Variants in ATXN7 observed in about 807,000 individuals in gnomAD.
ATXN7 encodes the protein ataxin-7.
A neutral mutation model predicts 70.5 loss-of-function variants in ATXN7; 12 were observed. The ratio of observed to expected loss-of-function variants is 0.17; its 90% CI spans 0.11 to 0.28. The LOEUF is 0.28. Ranked by LOEUF, ATXN7 falls within the 10% of genes least tolerant of loss-of-function variation. The pLI is 1.00. For missense variants in ATXN7, 1,256 were observed against 1,131.7 expected (o/e 1.11, Z -1.58); for synonymous variants, 498 against 448.7 (o/e 1.11, Z -1.39).
intron 6 of ATXN7, among the ~76,000 whole-genome samples, chr3:63,981,323 CT>C (rs2075483960): frequency 6.6e-6 from 1 of 152,210 alleles, no homozygotes; most frequent in African/African-American, 2.4e-5. Flanking sequence ...CGGGAGCAGT[CT>C]GAAAGCCACA....
At chr3:63,921,009 C>G (rs1704490309) in intron 4 of ATXN7, among the ~76,000 whole-genome samples, 3 of 152,130 alleles carry the variant, frequency 2.0e-5, no homozygotes, top group Non-Finnish European at 4.4e-5. Context: ...AGTTACTGTA[C>G]TTTTGAGAAA....
intron 5 of ATXN7, among the ~76,000 whole-genome samples, chr3:63,975,770 C>G (rs1182949029): frequency 6.6e-6 from 1 of 152,184 alleles, no homozygotes; most frequent in Non-Finnish European, 1.5e-5. Context: ...TACACCACTA[C>G]TAATATCCTG....
rs1205757508 is a variant in ATXN7, at chr3:63,982,405, C to G, written c.972C>G (p.Asp324Glu). 3 of 1,612,356 alleles carry G rather than the reference C, an allele frequency of 1.9e-6. No homozygotes were observed. The highest frequency in any genetic ancestry group is 2.2e-5 in the South Asian group (2 of 90,982). Reference protein sequence around the residue: ...APPTLEKKPEDNSNNRKFLNK... With the variant: ...APPTLEKKPEENSNNRKFLNK... Reference sequence around the variant, plus strand: ...CCACTCTGGAAAAGAAACCTGAAGACAATTCCAATAATAGGAAATTTTTAA... The same window carrying G: ...CCACTCTGGAAAAGAAACCTGAAGAGAATTCCAATAATAGGAAATTTTTAA... The change falls in exon 7 of 13, where the codon GAC (aspartate) becomes GAG (glutamate). Residue 324 changes from aspartate to glutamate, a missense_variant. By Grantham distance (45) the Asp-to-Glu change is conservative. Transcript: ENST00000674280.
intron 4 of ATXN7, among the ~76,000 whole-genome samples, chr3:63,946,112 G>T (rs550172586): frequency 1.8e-4 from 28 of 152,320 alleles, no homozygotes; most frequent in African/African-American, 6.7e-4. Context: ...CTCAGGTATT[G>T]TGCTAGGCAA....
At chr3:63,898,221 T>TA (rs11292430) in intron 1 of ATXN7, among the ~76,000 whole-genome samples, 178 bp from the exon 2 acceptor site, 2,105 of 148,538 alleles carry the variant, frequency 0.014, 30 homozygotes, top group African/African-American at 0.034. Context: ...AAGTTCATTG[T>TA]AAAAAAAAAA....
chr3:63,920,882 ATTG>A (rs57454419), intron 4 of ATXN7, among the ~76,000 whole-genome samples: 2,867 of 152,228 alleles, frequency 0.019, 98 homozygotes, highest in African/African-American at 0.063. Flanking sequence ...TTTTAATCAC[ATTG>A]TTGTTGAAAG....
chr3:63,990,140 G>A, intron 9 of ATXN7, 36 bp from the exon 10 acceptor site: 4 of 1,603,094 alleles, frequency 2.5e-6, no homozygotes, highest in Non-Finnish European at 3.4e-6. Flanking sequence ...TCCCAGGTGT[G>A]TGATCTGATC....
intron 4 of ATXN7, among the ~76,000 whole-genome samples, chr3:63,941,786 A>G (rs546499592): frequency 5.3e-5 from 8 of 152,308 alleles, no homozygotes; most frequent in South Asian, 4.1e-4. Flanking sequence ...GGAGTAGACA[A>G]TATGAATCTG....
intron 4 of ATXN7, among the ~76,000 whole-genome samples, chr3:63,921,050 G>A (rs1438601847): frequency 3.3e-5 from 5 of 152,128 alleles, no homozygotes; most frequent in African/African-American, 1.2e-4. Context: ...TATTCATCTT[G>A]TACAGCAGGG....
In ATXN7 at chr3:63,995,554, C is replaced by A. The variant is rs1279041841; in HGVS notation, c.1732C>A (p.Pro578Thr). 2 of 1,614,156 alleles carry A rather than the reference C, an allele frequency of 1.2e-6. No individual in the cohort carries two copies. Among genetic ancestry groups the A allele is most frequent in the Non-Finnish European group, 1.7e-6 (2 of 1,180,020 alleles). ...STTSPISTRI[P>T]HRTNSVPTSQ... ...CACCTCACCCATCTCCACACGTATT[C>A]CTCACCGGACAAACTCTGTGCCGAC... is the stretch of plus-strand genomic sequence containing the variant. Residue 578 changes from proline to threonine, a missense_variant, in exon 12 of 13, where the codon CCT becomes ACT. Pro to Thr is a conservative substitution (Grantham distance 38). Coordinates refer to ENST00000674280, the MANE Select transcript of ATXN7 (RefSeq NM_001377405.1).
Position 63,956,948 on chromosome 3 carries a change from C to G in ATXN7, c.499+4465C>G, listed in dbSNP as rs114584010. The stretch of plus-strand genomic sequence containing the variant: ...TCTTTTGAGGTGGGAATCTTAAGTT[C>G]TTCAGTTAGTTTAGTGATAAGTGTG... On this transcript the variant is annotated intron_variant, in intron 5 of 12. Coordinates refer to ENST00000674280, the MANE Select transcript of ATXN7 (RefSeq NM_001377405.1). 3.3e-3 allele frequency among the ~76,000 whole-genome samples: 495 copies of G among 152,304 alleles called. 3 individuals carry two copies. The highest frequency in any genetic ancestry group is 0.012 in the African/African-American group (480 of 41,558).
chr3:63,956,889 G>C (rs1279835997), intron 5 of ATXN7, among the ~76,000 whole-genome samples: 1 of 152,224 alleles, frequency 6.6e-6, no homozygotes, highest in Non-Finnish European at 1.5e-5. Flanking sequence ...AAGCAGCGTT[G>C]AGATGGTGAC....
intron 11 of ATXN7, among the ~76,000 whole-genome samples, chr3:63,995,101 G>A (rs370964355): frequency 2.0e-5 from 3 of 149,044 alleles, no homozygotes; most frequent in African/African-American, 4.8e-5. Flanking sequence ...GGACCACAAC[G>A]GTAATTAAGC....
upstream of ATXN7, chr3:63,863,379 C>A: frequency 2.1e-6 from 2 of 967,062 alleles, no homozygotes; most frequent in Non-Finnish European, 2.5e-6. Context: ...TTCGCGGCTC[C>A]TGGGTCCTCA....
At chr3:63,878,190 G>A (rs1702800693) in intron 1 of ATXN7, among the ~76,000 whole-genome samples, 1 of 152,156 alleles carries the variant, frequency 6.6e-6, no homozygotes, top group South Asian at 2.1e-4. Context: ...TGACACACAG[G>A]GCAGCTTCCC....
intron 5 of ATXN7, among the ~76,000 whole-genome samples, chr3:63,966,756 A>C (rs947886445): frequency 8.5e-5 from 13 of 152,204 alleles, no homozygotes; most frequent in African/African-American, 3.1e-4. Flanking sequence ...CGCACCTTTC[A>C]GGCTAAATCA....
chr3:63,955,548 G>T (rs555517855), intron 5 of ATXN7, among the ~76,000 whole-genome samples: 49 of 152,152 alleles, frequency 3.2e-4, no homozygotes, highest in Non-Finnish European at 6.8e-4. Context: ...CCACAGTGTC[G>T]TCTATCTTTT....
chr3:63,969,051 G>A (rs1217816399), intron 5 of ATXN7, among the ~76,000 whole-genome samples: 1 of 152,150 alleles, frequency 6.6e-6, no homozygotes, highest in Non-Finnish European at 1.5e-5. Context: ...TGTCACTTCT[G>A]ATGTTTTATT....
intron 1 of ATXN7, among the ~76,000 whole-genome samples, chr3:63,890,334 A>C (rs1364431672): frequency 2.0e-5 from 3 of 152,214 alleles, no homozygotes; most frequent in Non-Finnish European, 4.4e-5. Context: ...AAAATGATAC[A>C]GAATTTAGAC....
Sources: gnomAD v4.1 joint callset for allele counts (sites outside exome capture counted in the v4.1 genomes callset) on GRCh38, gnomAD v4.1.1 for gene constraint, MANE v1.5 for transcripts, NCBI Gene and HGNC (gene_info 2026-07-23, HGNC 2026-07-21) for gene names.